The following XPO7 variants were observed in gnomAD, a reference collection of about 807,000 sequenced individuals.
XPO7 encodes the protein exportin-7.
Under a neutral mutation model 144.3 loss-of-function variants are expected in XPO7, and 21 were observed. The observed-to-expected ratio is 0.15, with a 90% CI of 0.10 to 0.21. XPO7 has a LOEUF of 0.21. Among genes scored for constraint, XPO7 ranks in the 10% least tolerant of loss-of-function variants. The pLI, the probability that XPO7 is intolerant of heterozygous loss-of-function variation, is 1.00. For synonymous variants in XPO7, 580 were observed against 499.6 expected, an observed-to-expected ratio of 1.16 and a Z score of -2.15; for missense variants, 808 against 1,325.8, an observed-to-expected ratio of 0.61 and a Z score of 6.06.
intron 21 of XPO7, among the ~76,000 whole-genome samples, chr8:21,997,591 A>G (rs1268632270): frequency 2.0e-5 from 3 of 152,154 alleles, no homozygotes; most frequent in East Asian, 3.9e-4. Flanking sequence ...GGAGCAGGTC[A>G]GACCAGTGAG....
chr8:22,000,300 G>A (rs995245765), intron 24 of XPO7, among the ~76,000 whole-genome samples: 1 of 152,080 alleles, frequency 6.6e-6, no homozygotes, highest in African/African-American at 2.4e-5. Flanking sequence ...ATCATGAAGG[G>A]GGCCCGCCTG....
intron 9 of XPO7, among the ~76,000 whole-genome samples, chr8:21,980,788 A>C (rs914560808): frequency 1.8e-4 from 27 of 152,244 alleles, no homozygotes; most frequent in African/African-American, 5.3e-4. Flanking sequence ...AAAAAAAAAA[A>C]AACTAACATT....
chr8:21,986,460 T>C (rs1812582683), intron 13 of XPO7, among the ~76,000 whole-genome samples: 1 of 152,134 alleles, frequency 6.6e-6, no homozygotes, highest in Admixed American at 6.5e-5. Flanking sequence ...GCCTTCAATA[T>C]ATATATCTTC....
intron 13 of XPO7, among the ~76,000 whole-genome samples, chr8:21,986,060 T>A (rs1812568499): frequency 6.6e-6 from 1 of 152,104 alleles, no homozygotes; most frequent in South Asian, 2.1e-4. Flanking sequence ...ATTACAGAGT[T>A]CCTACAGCCT....
chr8:21,981,691 G>C, intron 9 of XPO7, 40 bp from the exon 10 acceptor site: 1 of 1,609,986 alleles, frequency 6.2e-7, no homozygotes, highest in Non-Finnish European at 8.5e-7. Context: ...GTATGTTAAG[G>C]CACATTTTAC....
chr8:21,962,754 C>G (rs573859722), intron 1 of XPO7, among the ~76,000 whole-genome samples: 5 of 152,164 alleles, frequency 3.3e-5, no homozygotes, highest in Non-Finnish European at 7.3e-5. Context: ...TGGTAATATA[C>G]TCAACATACT....
intron 1 of XPO7, among the ~76,000 whole-genome samples, chr8:21,951,684 A>C (rs1811378921): frequency 6.6e-6 from 1 of 152,212 alleles, no homozygotes; most frequent in Non-Finnish European, 1.5e-5. Flanking sequence ...GGTCACACTT[A>C]GAAGAACCAA....
rs768635889 is a variant in XPO7 at position 21,974,768 on chromosome 8, A to G, written c.591A>G (p.Leu197=). The G allele has an allele frequency of 2.6e-6, 4 of 1,565,868 alleles. No homozygotes were observed. The highest frequency in any genetic ancestry group is 3.5e-6 in the Non-Finnish European group (4 of 1,153,832). ...TCTTCACACTTTCCTGCAATTTACT[A>G]AAACAGGTGAGCATGTAGTTTGGGT... The part of the protein sequence containing the change: ...FDIFTLSCNL[L]KQASGKNLNL... Residue 197 remains leucine (L), a synonymous_variant, in exon 6 of 28, where the codon CTA becomes CTG. Transcript: ENST00000252512.
intron 24 of XPO7, among the ~76,000 whole-genome samples, chr8:22,001,894 C>T (rs953507371): frequency 2.6e-5 from 4 of 152,128 alleles, no homozygotes; most frequent in Non-Finnish European, 5.9e-5. Context: ...CACATTGAGC[C>T]GATAATTTCA....
intron 1 of XPO7, among the ~76,000 whole-genome samples, chr8:21,934,300 G>C (rs1033482657): frequency 1.3e-5 from 2 of 152,144 alleles, no homozygotes; most frequent in African/African-American, 4.8e-5. Flanking sequence ...TTGGGAGGCC[G>C]AGGTGGGCGG....
chr8:21,974,781 A>G lies in XPO7; in HGVS notation c.597+7A>G, dbSNP rs1299172192. On this transcript the variant is annotated splice_region_variant and intron_variant, in intron 6 of 27. Transcript: ENST00000252512. ...CTGCAATTTACTAAAACAGGTGAGC[A>G]TGTAGTTTGGGTCATATTTCCCAGT... The G allele has an allele frequency of 1.3e-6, 2 of 1,551,002 alleles. No individual in the cohort carries two copies. The highest frequency in any genetic ancestry group is 1.4e-5 in the African/African-American group (1 of 73,474).
intron 1 of XPO7, among the ~76,000 whole-genome samples, chr8:21,958,027 T>C (rs1811597037): frequency 6.6e-6 from 1 of 152,198 alleles, no homozygotes; most frequent in African/African-American, 2.4e-5. Context: ...TCATGCATAA[T>C]TAATAGAAAT....
chr8:22,003,344 A>C, intron 26 of XPO7, 27 bp downstream of exon 26: 1 of 1,577,178 alleles, frequency 6.3e-7, no homozygotes, highest in East Asian at 2.3e-5. Flanking sequence ...CCTGGTGCCA[A>C]CCCAGAAGCA....
At position 21,935,193 on chromosome 8, in the gene XPO7, G is replaced by A. The variant is rs907785273; in HGVS notation, c.18+15405G>A. On this transcript the variant is annotated intron_variant, in intron 1 of 27. Coordinates refer to ENST00000252512, the MANE Select transcript of XPO7 (RefSeq NM_015024.5). ...CCCTAATTGATTTTGACTACTCTAT[G>A]ATTAGTACAGCCAGGCATCTAAAAG... 3.4e-4 allele frequency among the ~76,000 whole-genome samples: 52 copies of A among 152,272 alleles called. 1 individual carries two copies. Among genetic ancestry groups the A allele is most frequent in the African/African-American group, 9.6e-4 (40 of 41,554 alleles).
intron 2 of XPO7, among the ~76,000 whole-genome samples, 176 bp downstream of exon 2, chr8:21,967,179 T>G (rs1216780324): frequency 6.6e-6 from 1 of 152,196 alleles, no homozygotes; most frequent in Non-Finnish European, 1.5e-5. Flanking sequence ...AGCCATACAG[T>G]CTCATCAAGA....
At chr8:21,958,791 T>C (rs1027796828) in intron 1 of XPO7, among the ~76,000 whole-genome samples, 1 of 151,772 alleles carries the variant, frequency 6.6e-6, no homozygotes, top group African/African-American at 2.4e-5. Context: ...GAAAACCCCA[T>C]CTCTACTAAA....
chr8:21,920,749 G>T (rs1360050114), intron 1 of XPO7, among the ~76,000 whole-genome samples: 2 of 152,194 alleles, frequency 1.3e-5, no homozygotes, highest in African/African-American at 4.8e-5. Flanking sequence ...AGTTATTGAT[G>T]CACATCCATT....
chr8:21,951,265 CTT>C (rs1029359286), intron 1 of XPO7, among the ~76,000 whole-genome samples: 1 of 145,480 alleles, frequency 6.9e-6, no homozygotes, highest in Non-Finnish European at 1.5e-5. Flanking sequence ...TTAAGTACGT[CTT>C]TTTTTTTTTA....
rs765168876 is a variant in XPO7 at position 21,972,017 on chromosome 8, G to A, written c.492+76G>A. 14 of 1,436,244 alleles carry A rather than the reference G, an allele frequency of 9.7e-6. No homozygotes were observed. In the Middle Eastern group the frequency reaches 5.3e-4, roughly 54 times the overall value. The allele number at this position is 1,436,244 out of a possible 1,614,324, so 89.0% of individuals were successfully genotyped here. On this transcript the variant is annotated intron_variant, in intron 5 of 27. Transcript: ENST00000252512. ...TATTGGTGTTTTCTGCTGTGTGTGGGATGATCTTTTTTGGCAGTTGTGTGC... is the reference window on the plus strand; with the variant it reads ...TATTGGTGTTTTCTGCTGTGTGTGGAATGATCTTTTTTGGCAGTTGTGTGC...
Sources: gnomAD v4.1 joint callset for allele counts (sites outside exome capture counted in the v4.1 genomes callset) on GRCh38, gnomAD v4.1.1 for gene constraint, MANE v1.5 for transcripts, NCBI Gene and HGNC (gene_info 2026-07-23, HGNC 2026-07-21) for gene names.